The following PITPNA variants were observed in gnomAD, a reference collection of about 807,000 sequenced individuals.
The protein encoded by PITPNA is phosphatidylinositol transfer protein alpha isoform.
A neutral mutation model predicts 50.3 loss-of-function variants in PITPNA; 13 were observed. The observed-to-expected ratio is 0.26, with a 90% confidence interval of 0.17 to 0.41. PITPNA has a LOEUF of 0.41. PITPNA is among the 10% of genes least tolerant of loss of function. The pLI is 1.00. For missense variants in PITPNA, 207 were observed against 333.4 expected (o/e 0.62, Z 2.95); for synonymous variants, 120 against 119.6 (o/e 1.00, Z -0.02).
intron 2 of PITPNA, among the ~76,000 whole-genome samples, chr17:1,553,534 T>A (rs2075720123): frequency 1.3e-5 from 2 of 152,088 alleles, no homozygotes; most frequent in South Asian, 4.1e-4. Flanking sequence ...GAGCCACCGT[T>A]CCCAGTCAAT....
chr17:1,551,161 A>G (rs1469686243), intron 3 of PITPNA, among the ~76,000 whole-genome samples: 1 of 152,090 alleles, frequency 6.6e-6, no homozygotes, highest in East Asian at 1.9e-4. Context: ...GGCGAGTGAG[A>G]GTACTGCAGG....
At chr17:1,540,706 A>C (rs2075643981) in intron 6 of PITPNA, among the ~76,000 whole-genome samples, 1 of 151,420 alleles carries the variant, frequency 6.6e-6, no homozygotes, top group South Asian at 2.1e-4. Context: ...CTCCTGCCTC[A>C]GCCTCCTGAG....
intron 3 of PITPNA, 100 bp downstream of exon 3, chr17:1,552,904 C>A: frequency 8.3e-7 from 1 of 1,199,490 alleles, no homozygotes. Context: ...TAGGATATAA[C>A]AATTAGTATA....
chr17:1,561,634 G>T (rs947962377), intron 1 of PITPNA, among the ~76,000 whole-genome samples: 2 of 151,902 alleles, frequency 1.3e-5, no homozygotes, highest in Non-Finnish European at 2.9e-5. Flanking sequence ...GTCTCCCCAC[G>T]TCCCAAGCAG....
At chr17:1,534,907 GCTCATGTTGGCAAC>G (rs1168950210) in intron 9 of PITPNA, among the ~76,000 whole-genome samples, 1 of 152,250 alleles carries the variant, frequency 6.6e-6, no homozygotes, top group East Asian at 1.9e-4. Flanking sequence ...TGTGAGGTAT[GCTCATGTTGGCAAC>G]CCTGTCATGC....
chr17:1,553,567 G>T (rs572056463), intron 2 of PITPNA, among the ~76,000 whole-genome samples: 2 of 152,196 alleles, frequency 1.3e-5, no homozygotes, highest in African/African-American at 4.8e-5. Context: ...AAAGAGGCAG[G>T]TGAGTCTACT....
chr17:1,518,557 TAATG>T lies in PITPNA; in HGVS notation c.*2000_*2003del, dbSNP rs941803241. On this transcript the variant is annotated 3_prime_UTR_variant, in exon 12 of 12. Transcript: ENST00000313486. ...CCAGATCCAGGCTGACCTCAGCTCA[TAATG>T]GATGCTTTTCAACTGGGGCAACAGG... 6.5e-5 allele frequency: 10 copies of T among 152,708 alleles called. No homozygotes were observed. Among genetic ancestry groups the T allele is most frequent in the Admixed American group, 6.5e-4 (10 of 15,284 alleles). 9.5% of individuals were successfully genotyped at this position (152,708 alleles called of 1,614,324 possible).
intron 4 of PITPNA, among the ~76,000 whole-genome samples, chr17:1,544,198 A>G (rs751301491): frequency 2.6e-5 from 4 of 152,220 alleles, no homozygotes; most frequent in Admixed American, 1.3e-4. Context: ...CACTCAGCCA[A>G]GCGGACATTC....
chr17:1,552,314 C>T (rs2075713697), intron 3 of PITPNA, among the ~76,000 whole-genome samples: 1 of 152,190 alleles, frequency 6.6e-6, no homozygotes, highest in South Asian at 2.1e-4. Flanking sequence ...CTAAAACTAG[C>T]TTGGTTTGAC....
At chr17:1,529,190 C>T (rs1013306271) in intron 10 of PITPNA, among the ~76,000 whole-genome samples, 4 of 146,460 alleles carry the variant, frequency 2.7e-5, no homozygotes, top group Non-Finnish European at 6.0e-5. Context: ...CAGTGTCATC[C>T]TTCACATATA....
At position 1,520,050 on chromosome 17, in the gene PITPNA, C is replaced by A. The variant is rs533235922; in HGVS notation, c.*511G>T. 1 of 152,176 alleles carries A rather than the reference C, an allele frequency of 6.6e-6. No homozygotes were observed. The highest frequency in any genetic ancestry group is 2.4e-5 in the African/African-American group (1 of 41,442). The allele number at this position is 152,176 out of a possible 1,614,324, so 9.4% of individuals were successfully genotyped here. On this transcript the variant is annotated 3_prime_UTR_variant, in exon 12 of 12. Transcript: ENST00000313486. ...AAACCACATTGCTATTTTGTGGAAGCGGTGCGGGGCAGGGAAACATTGTAT... is the reference window on the plus strand; with the variant it reads ...AAACCACATTGCTATTTTGTGGAAGAGGTGCGGGGCAGGGAAACATTGTAT...
intron 5 of PITPNA, 78 bp from the exon 6 acceptor site, chr17:1,541,718 G>C: frequency 1.1e-6 from 1 of 899,168 alleles, no homozygotes; most frequent in Non-Finnish European, 1.8e-6. Flanking sequence ...CTGGAGATGG[G>C]CATTACTGGA....
chr17:1,551,544 C>T lies in PITPNA; in HGVS notation c.197+1460G>A, dbSNP rs542043170. On this transcript the variant is annotated intron_variant, in intron 3 of 11. Transcript: ENST00000313486. ...CTGACCTCAAGTGATCCATCCGTCT[C>T]GGCCTCCCAAAGTGCTGGGATTACA... Among the ~76,000 whole-genome samples the T allele has an allele frequency of 7.9e-5, 12 of 152,222 alleles. No homozygotes were observed. The East Asian group carries it at 1.5e-3, about 20-fold the overall frequency.
intron 10 of PITPNA, among the ~76,000 whole-genome samples, chr17:1,528,640 C>T (rs1408139770): frequency 1.3e-5 from 2 of 151,268 alleles, no homozygotes; most frequent in Non-Finnish European, 2.9e-5. Context: ...AGGAGCTTAA[C>T]GTGGGAGGAT....
rs1209894080 is a variant in PITPNA, at chr17:1,518,145, A to G, written c.*2416T>C. ...ACAAGTAGCACTAGGAACCAACCAAAGTAAGTCAGGGAGTCCCAGCAGGGA... is the reference window on the plus strand; with the variant it reads ...ACAAGTAGCACTAGGAACCAACCAAGGTAAGTCAGGGAGTCCCAGCAGGGA... On this transcript the variant is annotated 3_prime_UTR_variant, in exon 12 of 12. Transcript: ENST00000313486. 6.6e-6 allele frequency: 1 copy of G among 152,584 alleles called. No homozygotes were observed. Among genetic ancestry groups the G allele is most frequent in the East Asian group, 1.9e-4 (1 of 5,198 alleles). The allele number at this position is 152,584 out of a possible 1,614,324, so 9.5% of individuals were successfully genotyped here.
intron 3 of PITPNA, among the ~76,000 whole-genome samples, chr17:1,549,795 C>T (rs2075698633): frequency 6.9e-6 from 1 of 145,286 alleles, no homozygotes; most frequent in South Asian, 2.1e-4. Context: ...CTTCCTCAGC[C>T]TCCTAAGTAG....
At chr17:1,557,545 T>C (rs960363962) in intron 2 of PITPNA, among the ~76,000 whole-genome samples, 1 of 152,120 alleles carries the variant, frequency 6.6e-6, no homozygotes, top group Non-Finnish European at 1.5e-5. Context: ...AGAACAAGGC[T>C]GCGCCAGGAG....
At chr17:1,534,654 T>C (rs1598406380) in intron 9 of PITPNA, among the ~76,000 whole-genome samples, 1 of 152,326 alleles carries the variant, frequency 6.6e-6, no homozygotes, top group African/African-American at 2.4e-5. Context: ...TAAAACTCCT[T>C]AGACCTGCCC....
rs778515725 is a variant in PITPNA at position 1,535,273 on chromosome 17, T to C, written c.554A>G (p.Lys185Arg). 1 of 1,613,326 alleles carries C rather than the reference T, an allele frequency of 6.2e-7. No individual in the cohort carries two copies. Among genetic ancestry groups the C allele is most frequent in the Non-Finnish European group, 8.5e-7 (1 of 1,179,202 alleles). ...PNWKQELVNQ[K>R]DCPYMCAYKL... ...GTATGCACACATATATGGGCAGTCC[T>C]TCTGGTTTACAAGCTCTTGCTGCAT... The change falls in exon 9 of 12, where the codon AAG (lysine) becomes AGG (arginine). Residue 185 changes from lysine (K) to arginine (R), a missense_variant. Transcript: ENST00000313486.
Sources: gnomAD v4.1 joint callset for allele counts (sites outside exome capture counted in the v4.1 genomes callset) on GRCh38, gnomAD v4.1.1 for gene constraint, MANE v1.5 for transcripts, NCBI Gene and HGNC (gene_info 2026-07-23, HGNC 2026-07-21) for gene names.